Variants in DRC10 observed in about 807,000 individuals in gnomAD.
The protein encoded by DRC10 is IQ domain-containing protein D.
At chr12:113,195,884 C>A in the DRC10 span, 4 of 1,604,240 alleles carry the variant, frequency 2.5e-6, no homozygotes, top group Non-Finnish European at 3.4e-6. Context: ...GATCCTCCAA[C>A]TCCTCCTGGG....
At chr12:113,219,638 C>A in the DRC10 span, among the ~76,000 whole-genome samples, 1 of 151,752 alleles carries the variant, frequency 6.6e-6, no homozygotes, top group Non-Finnish European at 1.5e-5. Context: ...TTTTCATTTT[C>A]TTATGAAAAT....
chr12:113,196,028 C>T, the DRC10 span: 2 of 1,304,080 alleles, frequency 1.5e-6, no homozygotes, highest in Non-Finnish European at 2.0e-6. Flanking sequence ...ATCTCTCGGT[C>T]CCAGTGACAT....
chr12:113,209,808 T>C, the DRC10 span, among the ~76,000 whole-genome samples: 3 of 152,238 alleles, frequency 2.0e-5, no homozygotes, highest in Non-Finnish European at 4.4e-5. Context: ...TCTACAATTA[T>C]TACAAAGTAA....
the DRC10 span, chr12:113,208,217 G>T: frequency 5.8e-6 from 9 of 1,548,790 alleles, no homozygotes; most frequent in Admixed American, 4.0e-5. Flanking sequence ...TGGAGACTTC[G>T]GTAGACTACT....
At chr12:113,209,132 A>C in the DRC10 span, among the ~76,000 whole-genome samples, 2 of 138,378 alleles carry the variant, frequency 1.4e-5, no homozygotes, top group African/African-American at 2.8e-5. Flanking sequence ...GGGTTTTGCC[A>C]TGTTTGCCAG....
chr12:113,208,945 G>A, the DRC10 span, among the ~76,000 whole-genome samples: 1 of 152,080 alleles, frequency 6.6e-6, no homozygotes, highest in African/African-American at 2.4e-5. Flanking sequence ...TTGTTTATTT[G>A]TTTTGAGACA....
the DRC10 span, among the ~76,000 whole-genome samples, chr12:113,205,220 G>T: frequency 1.3e-5 from 2 of 150,770 alleles, no homozygotes; most frequent in African/African-American, 4.9e-5. Flanking sequence ...TGGAGTAAAT[G>T]AATTTTTTTT....
chr12:113,206,541 C>G, the DRC10 span, among the ~76,000 whole-genome samples: 1 of 152,086 alleles, frequency 6.6e-6, no homozygotes. Flanking sequence ...TAAATGACCC[C>G]GTCTCTTTTG....
chr12:113,202,769 C>T, the DRC10 span, among the ~76,000 whole-genome samples: 1 of 152,230 alleles, frequency 6.6e-6, no homozygotes, highest in Admixed American at 6.5e-5. Flanking sequence ...AGGGAAGTCA[C>T]ATAGAAGAAA....
chr12:113,210,305 C>T, the DRC10 span, among the ~76,000 whole-genome samples: 1 of 152,150 alleles, frequency 6.6e-6, no homozygotes, highest in African/African-American at 2.4e-5. Context: ...TTTAATCCTC[C>T]AGAGCTTGGG....
chr12:113,200,826 G>C, the DRC10 span: 2 of 1,516,382 alleles, frequency 1.3e-6, no homozygotes, highest in African/African-American at 2.8e-5. Flanking sequence ...AAGCCAGGAA[G>C]AGAAAGGGCT....
chr12:113,195,758 T>C, the DRC10 span: 1 of 1,613,896 alleles, frequency 6.2e-7, no homozygotes, highest in Non-Finnish European at 8.5e-7. Flanking sequence ...CCTCCATCCT[T>C]TTCTTGGAGT....
chr12:113,203,943 A>C, the DRC10 span, among the ~76,000 whole-genome samples: 5 of 152,082 alleles, frequency 3.3e-5, no homozygotes. Flanking sequence ...CTCTAAAAAA[A>C]GAAAAAAAAT....
At chr12:113,205,918 A>G in the DRC10 span, among the ~76,000 whole-genome samples, 7 of 146,012 alleles carry the variant, frequency 4.8e-5, no homozygotes, top group Admixed American at 1.4e-4. Context: ...AAAAAAAAAA[A>G]AAAAAAGAAA....
chr12:113,198,794 C>T, the DRC10 span, among the ~76,000 whole-genome samples: 6 of 152,138 alleles, frequency 3.9e-5, no homozygotes, highest in Middle Eastern at 3.2e-3. Context: ...GTAAGTTTCA[C>T]CTAAATTAAA....
At chr12:113,208,301 A>T in the DRC10 span, 1 of 1,442,328 alleles carries the variant, frequency 6.9e-7, no homozygotes, top group South Asian at 1.5e-5. Context: ...CTGTGCTGAC[A>T]TCTGTGTGGT....
At chr12:113,207,209 G>A in the DRC10 span, 7 of 585,134 alleles carry the variant, frequency 1.2e-5, 1 homozygote, top group East Asian at 3.0e-5. Context: ...TTAGCCGGGC[G>A]TGGTGGCATA....
At chr12:113,209,877 G>A in the DRC10 span, among the ~76,000 whole-genome samples, 1 of 152,252 alleles carries the variant, frequency 6.6e-6, no homozygotes, top group Non-Finnish European at 1.5e-5. Context: ...TGTAATCACA[G>A]CACTGTGGGA....
the DRC10 span, among the ~76,000 whole-genome samples, chr12:113,215,500 AG>A: frequency 1.1e-4 from 17 of 152,364 alleles, no homozygotes; most frequent in East Asian, 3.1e-3. Context: ...AAGTCAAAAC[AG>A]AAGCAGTTTT....
Sources: gnomAD v4.1 joint callset for allele counts (sites outside exome capture counted in the v4.1 genomes callset) on GRCh38, gnomAD v4.1.1 for gene constraint, MANE v1.5 for transcripts, NCBI Gene and HGNC (gene_info 2026-07-23, HGNC 2026-07-21) for gene names.